Variants in GOLGA3 observed in about 807,000 individuals in gnomAD.
GOLGA3 encodes golgin subfamily A member 3.
In GOLGA3, 75 loss-of-function variants were observed where a neutral mutation model predicts 169.4. The ratio of observed to expected loss-of-function variants is 0.44; its 90% CI spans 0.37 to 0.54. GOLGA3 has a LOEUF of 0.54. Among genes scored for constraint, GOLGA3 ranks in the 20% least tolerant of loss-of-function variants. GOLGA3 has a pLI of 0.00. For synonymous variants in GOLGA3, 824 were observed against 822.4 expected (o/e 1.00, Z -0.03); for missense variants, 1,899 against 1,930.0 (o/e 0.98, Z 0.30).
At chr12:132,775,893 C>A (rs920425276) in intron 21 of GOLGA3, among the ~76,000 whole-genome samples, 1 of 152,278 alleles carries the variant, frequency 6.6e-6, no homozygotes, top group Non-Finnish European at 1.5e-5. Flanking sequence ...AAACTTTTCC[C>A]ACGCACCCTC....
chr12:132,776,388 C>T lies in GOLGA3; in HGVS notation c.3978+246G>A, dbSNP rs57987684. Among the ~76,000 whole-genome samples, 14 of 118,030 alleles carry T rather than the reference C, an allele frequency of 1.2e-4. 2 individuals are homozygous for T. The East Asian group carries it at 3.2e-3, about 27-fold the overall frequency. 77.4% of individuals were successfully genotyped at this position (118,030 alleles called of 152,430 possible). On this transcript the variant is annotated intron_variant, in intron 21 of 23. Transcript: ENST00000450791. ...GCTCCCGCCTGTACCCAGAGCCTCA[C>T]ACAGGTACCCGCAGCAGCTGCTGTA...
chr12:132,792,431 T>G (rs1187058736), intron 11 of GOLGA3, among the ~76,000 whole-genome samples: 1 of 152,230 alleles, frequency 6.6e-6, no homozygotes, highest in African/African-American at 2.4e-5. Context: ...CAGAACCCGG[T>G]GTTGGGCTGC....
At chr12:132,827,057 T>A (rs988945186) in intron 1 of GOLGA3, among the ~76,000 whole-genome samples, 1 of 152,180 alleles carries the variant, frequency 6.6e-6, no homozygotes, top group Non-Finnish European at 1.5e-5. Flanking sequence ...ATCAAGGGAC[T>A]TCATACTGAG....
intron 1 of GOLGA3, among the ~76,000 whole-genome samples, chr12:132,823,977 G>A (rs1205985975): frequency 6.6e-6 from 1 of 152,102 alleles, no homozygotes; most frequent in African/African-American, 2.4e-5. Flanking sequence ...CAGCTACTCA[G>A]GAGGCTAAGG....
rs1949498335 is a variant in GOLGA3 at position 132,807,938 on chromosome 12, C to T, written c.1131G>A (p.Gln377=). ...GACTCCGCACCTCCCCGTTGACCTC[C>T]TGCCCCTGGTCTTGGTGCTCAGCGG... The part of the protein sequence containing the change: ...AAAAEHQDQG[Q]EVNGEVRSRR... Residue 377 remains glutamine, a synonymous_variant, in exon 5 of 24, where the codon CAG becomes CAA. Coordinates refer to ENST00000450791, the MANE Select transcript of GOLGA3 (RefSeq NM_001389683.1). 6.2e-7 allele frequency: 1 copy of T among 1,613,228 alleles called. No individual in the cohort carries two copies.
intron 13 of GOLGA3, among the ~76,000 whole-genome samples, chr12:132,787,242 G>A (rs1371148449): frequency 6.6e-6 from 1 of 152,042 alleles, no homozygotes; most frequent in Non-Finnish European, 1.5e-5. Flanking sequence ...GTGAGCCACT[G>A]CACCCGGCCA....
chr12:132,781,254 G>C (rs1173634778), intron 17 of GOLGA3, among the ~76,000 whole-genome samples: 2 of 151,830 alleles, frequency 1.3e-5, no homozygotes, highest in African/African-American at 4.8e-5. Context: ...GCAAGAGCCA[G>C]ACCCTGTCTC....
At chr12:132,787,325 G>A (rs2045950639) in intron 13 of GOLGA3, among the ~76,000 whole-genome samples, 1 of 152,000 alleles carries the variant, frequency 6.6e-6, no homozygotes, top group Non-Finnish European at 1.5e-5. Context: ...AACAGGACAT[G>A]ACTGGTTCAT....
chr12:132,771,005 ATTTT>A lies in GOLGA3; in HGVS notation c.*2096_*2099del, dbSNP rs1247688188. 2 of 151,992 alleles carry A rather than the reference ATTTT, an allele frequency of 1.3e-5. No homozygotes were observed. The highest frequency in any genetic ancestry group is 4.8e-5 in the African/African-American group (2 of 41,270). 9.4% of individuals were successfully genotyped at this position (151,992 alleles called of 1,614,324 possible). A position where few individuals can be genotyped will look rare whatever the true frequency, so the allele number is the denominator to read the frequency against. Reference sequence around the variant, plus strand: ...AATAAATAAGAACGTAAATTGCCGTATTTTTTTTTCTAATGGTACAAGAACAATT... The same window carrying A: ...AATAAATAAGAACGTAAATTGCCGTATTTTTCTAATGGTACAAGAACAATT... On this transcript the variant is annotated 3_prime_UTR_variant, in exon 24 of 24. Transcript: ENST00000450791.
rs1365117190 is a variant in GOLGA3, at chr12:132,791,304, CAT to C, written c.2470-13_2470-12del. ...CTGCAGGTGTTCCACCTGTGGGAGACATGTGCACAGACATTACACTGACGGCT... is the reference window on the plus strand; with the variant it reads ...CTGCAGGTGTTCCACCTGTGGGAGACGTGCACAGACATTACACTGACGGCT... On this transcript the variant is annotated splice_polypyrimidine_tract_variant and intron_variant, in intron 11 of 23. Transcript: ENST00000450791. 1 of 1,549,784 alleles carries C rather than the reference CAT, an allele frequency of 6.5e-7. No individual in the cohort carries two copies. Among genetic ancestry groups the C allele is most frequent in the East Asian group, 2.2e-5 (1 of 44,496 alleles).
chr12:132,769,065 G>A lies in GOLGA3; in HGVS notation c.*4040C>T, dbSNP rs1392169476. On this transcript the variant is annotated 3_prime_UTR_variant, in exon 24 of 24. Coordinates refer to ENST00000450791, the MANE Select transcript of GOLGA3 (RefSeq NM_001389683.1). Reference sequence around the variant, plus strand: ...AGCCACAACTTGAGGACTCTCTTTTGTGAGGAAATTTTTAATAAAAACAAG... The same window carrying A: ...AGCCACAACTTGAGGACTCTCTTTTATGAGGAAATTTTTAATAAAAACAAG... 1 of 152,616 alleles carries A rather than the reference G, an allele frequency of 6.6e-6. No homozygotes were observed. The highest frequency in any genetic ancestry group is 2.4e-5 in the African/African-American group (1 of 41,468). 9.5% of individuals were successfully genotyped at this position (152,616 alleles called of 1,614,324 possible).
intron 13 of GOLGA3, among the ~76,000 whole-genome samples, chr12:132,787,390 C>T (rs1227855612): frequency 6.6e-6 from 1 of 151,354 alleles, no homozygotes; most frequent in Non-Finnish European, 1.5e-5. Context: ...CCCAGGACCC[C>T]TCCCCAGGGC....
At chr12:132,790,874 C>T (rs1046733773) in intron 12 of GOLGA3, among the ~76,000 whole-genome samples, 3 of 151,400 alleles carry the variant, frequency 2.0e-5, no homozygotes, top group Admixed American at 6.6e-5. Flanking sequence ...ACGGAGAAAC[C>T]CCATCTCAAA....
At chr12:132,774,666 G>A in intron 22 of GOLGA3, 1 of 400,854 alleles carries the variant, frequency 2.5e-6, no homozygotes, top group Non-Finnish European at 4.5e-6. Flanking sequence ...AAGAAATTAA[G>A]TAAGTTTTCC....
chr12:132,799,851 A>G (rs71452537), intron 8 of GOLGA3, among the ~76,000 whole-genome samples: 1 of 151,628 alleles, frequency 6.6e-6, no homozygotes, highest in Non-Finnish European at 1.5e-5. Flanking sequence ...AGCACATCTC[A>G]TGCCTCAGCC....
At chr12:132,775,336 C>G in intron 21 of GOLGA3, 31 bp from the exon 22 acceptor site, 1 of 1,578,980 alleles carries the variant, frequency 6.3e-7, no homozygotes, top group Non-Finnish European at 8.6e-7. Flanking sequence ...TTTTTAAAAG[C>G]TAACAGATCT....
rs1446284799 is a variant in GOLGA3 at position 132,773,216 on chromosome 12, C to G, written c.4386G>C (p.Pro1462=). The part of the protein sequence containing the change: ...TVHESLSSWT[P]LEPATASPVP... ...CAGGGCTGGCAGTGGCTGGCTCCAG[C>G]GGCGTCCACGAGGACAGAGACTCGT... is the stretch of plus-strand genomic sequence containing the variant. The change falls in exon 24 of 24, where the codon CCG becomes CCC. Residue 1462 remains proline (P), a synonymous_variant. Coordinates refer to ENST00000450791, the MANE Select transcript of GOLGA3 (RefSeq NM_001389683.1). 2.5e-6 allele frequency: 4 copies of G among 1,573,426 alleles called. No individual in the cohort carries two copies. The highest frequency in any genetic ancestry group is 3.5e-6 in the Non-Finnish European group (4 of 1,157,396).
At position 132,808,263 on chromosome 12, in the gene GOLGA3, G is replaced by A. The variant is rs751666737; in HGVS notation, c.806C>T (p.Thr269Ile). 1.9e-6 allele frequency: 3 copies of A among 1,614,092 alleles called. No individual in the cohort carries two copies. Among genetic ancestry groups the A allele is most frequent in the South Asian group, 1.1e-5 (1 of 91,084 alleles). The change falls in exon 5 of 24, where the codon ACC becomes ATC. Residue 269 changes from threonine to isoleucine, a missense_variant. Physicochemically the swap from Thr to Ile is moderately conservative, Grantham distance 89 (BLOSUM62 -1). Coordinates refer to ENST00000450791, the MANE Select transcript of GOLGA3 (RefSeq NM_001389683.1). ...SGGNVPAPDS[T>I]KGSLKQNRSS... Reference sequence around the variant, plus strand: ...TCTGTTCTGCTTCAGGGAACCCTTGGTAGAATCGGGAGCCGGGACATTTCC... The same window carrying A: ...TCTGTTCTGCTTCAGGGAACCCTTGATAGAATCGGGAGCCGGGACATTTCC...
rs534196052 is a variant in GOLGA3, at chr12:132,769,138, C to T, written c.*3967G>A. On this transcript the variant is annotated 3_prime_UTR_variant, in exon 24 of 24. Coordinates refer to ENST00000450791, the MANE Select transcript of GOLGA3 (RefSeq NM_001389683.1). ...CCAGACCCTCTAACACATTTCCCTC[C>T]GGATCCTGTGAGAGCCTGAGATCAC... 1.3e-5 allele frequency: 2 copies of T among 152,376 alleles called. No individual in the cohort carries two copies. The highest frequency in any genetic ancestry group is 2.9e-5 in the Non-Finnish European group (2 of 68,042). The allele number at this position is 152,376 out of a possible 1,614,324, so 9.4% of individuals were successfully genotyped here.
Sources: allele counts gnomAD v4.1 joint callset (sites outside exome capture counted in the v4.1 genomes callset), GRCh38; gene constraint gnomAD v4.1.1; transcripts MANE v1.5; gene names NCBI Gene and HGNC (gene_info 2026-07-23, HGNC 2026-07-21).